KAT6A: variants seen among roughly 807,000 people sequenced by gnomAD.
The protein encoded by KAT6A is histone acetyltransferase KAT6A.
A neutral mutation model predicts 198.4 loss-of-function variants in KAT6A; 9 were observed. The observed-to-expected ratio is 0.05, with a 90% CI of 0.03 to 0.08. The LOEUF (loss-of-function observed/expected upper bound fraction) is 0.08. Ranked by LOEUF, KAT6A falls within the 10% of genes least tolerant of loss-of-function variation. KAT6A has a pLI of 1.00. For missense variants in KAT6A, 2,077 were observed against 2,509.9 expected (o/e 0.83, Z 3.69); for synonymous variants, 890 against 883.0 (o/e 1.01, Z -0.14).
Position 41,942,957 on chromosome 8 carries a change from C to T in KAT6A, c.2272G>A (p.Ala758Thr). The change falls in exon 14 of 17, where the codon GCA (alanine) becomes ACA (threonine). Residue 758 changes from alanine to threonine, a missense_variant. Physicochemically the swap from Ala to Thr is moderately conservative, Grantham distance 58. Transcript: ENST00000265713. The part of the protein sequence containing the change: ...RREKLIQDHM[A>T]KLQLNLRPVD... Reference sequence around the variant, plus strand: ...GGTCGCAAATTCAGCTGAAGCTTTGCCATGTGATCCTGGATAAGTTTTTCC... The same window carrying T: ...GGTCGCAAATTCAGCTGAAGCTTTGTCATGTGATCCTGGATAAGTTTTTCC... The T allele has an allele frequency of 2.5e-6, 4 of 1,614,116 alleles. No homozygotes were observed. Among genetic ancestry groups the T allele is most frequent in the Non-Finnish European group, 3.4e-6 (4 of 1,180,030 alleles).
intron 2 of KAT6A, among the ~76,000 whole-genome samples, chr8:42,016,632 GAAC>G (rs1826282735): frequency 6.6e-6 from 1 of 152,006 alleles, no homozygotes; most frequent in African/African-American, 2.4e-5. Context: ...TGTAATGTGA[GAAC>G]AACTAAATCT....
In KAT6A at chr8:41,941,182, C is replaced by A; in HGVS notation, c.2699G>T (p.Gly900Val). 6.2e-7 allele frequency: 1 copy of A among 1,614,162 alleles called. No homozygotes were observed. The change falls in exon 15 of 17, where the codon GGA becomes GTA. Residue 900 changes from glycine to valine, a missense_variant. Physicochemically the swap from Gly to Val is moderately radical, Grantham distance 109. This residue lies in a region of KAT6A where 301 missense variants were observed against 272.2 expected (regional missense o/e 1.11). Transcript: ENST00000265713. The part of the protein sequence containing the change: ...ETSSAPQEQY[G>V]ECGEKSEATQ... ...GGCTTCTGATTTCTCCCCACATTCT[C>A]CATATTGTTCCTGAGGAGCTGAAGA...
intron 8 of KAT6A, among the ~76,000 whole-genome samples, chr8:41,967,694 C>T (rs936627045): frequency 1.3e-5 from 2 of 152,082 alleles, no homozygotes; most frequent in African/African-American, 4.8e-5. Context: ...CCCGGTCTAT[C>T]ATTGTTGGAC....
Position 41,978,725 on chromosome 8 carries a change from T to C in KAT6A, c.960A>G (p.Leu320=), listed in dbSNP as rs747348896. The C allele has an allele frequency of 2.2e-5, 36 of 1,613,962 alleles. No individual in the cohort carries two copies. The highest frequency in any genetic ancestry group is 2.9e-5 in the Non-Finnish European group (34 of 1,179,946). ...CRPRKKGRKL[L]QKKAAQIKRR... is the part of the protein sequence containing the mutation. ...GTTTTATCTGTGCTGCCTTCTTTTGTAGAAGTTTTCGTCCTTTTTTCCTAG... is the reference window on the plus strand; with the variant it reads ...GTTTTATCTGTGCTGCCTTCTTTTGCAGAAGTTTTCGTCCTTTTTTCCTAG... The change falls in exon 6 of 17, where the codon CTA becomes CTG. Residue 320 remains leucine (L), a synonymous_variant. Transcript: ENST00000265713.
chr8:42,043,086 A>G (rs1471245426), intron 2 of KAT6A, among the ~76,000 whole-genome samples: 1 of 152,200 alleles, frequency 6.6e-6, no homozygotes, highest in African/African-American at 2.4e-5. Flanking sequence ...CAGTTCATAA[A>G]CTAAAAAAGG....
At chr8:42,017,233 G>A (rs1826318748) in intron 2 of KAT6A, among the ~76,000 whole-genome samples, 1 of 152,200 alleles carries the variant, frequency 6.6e-6, no homozygotes, top group African/African-American at 2.4e-5. Context: ...ACAGCATTGA[G>A]ATAGTAGAAG....
At chr8:42,009,770 T>G (rs1206277523) in intron 2 of KAT6A, among the ~76,000 whole-genome samples, 1 of 150,926 alleles carries the variant, frequency 6.6e-6, no homozygotes, top group African/African-American at 2.4e-5. Context: ...CATGGTGACA[T>G]GCACCTGTGG....
At chr8:41,983,086 T>C (rs1044548076) in intron 3 of KAT6A, among the ~76,000 whole-genome samples, 22 of 152,158 alleles carry the variant, frequency 1.4e-4, no homozygotes, top group Middle Eastern at 3.2e-3. Context: ...TCAGAATGAA[T>C]AGCAAGAGAA....
intron 2 of KAT6A, among the ~76,000 whole-genome samples, chr8:42,047,704 C>T (rs900555522): frequency 9.2e-5 from 14 of 152,268 alleles, no homozygotes; most frequent in South Asian, 4.1e-4. Flanking sequence ...AACTACTGTT[C>T]CAGACCCTCC....
At chr8:42,048,237 C>T in intron 2 of KAT6A, 141 bp downstream of exon 2, 1 of 769,912 alleles carries the variant, frequency 1.3e-6, no homozygotes, top group South Asian at 1.8e-5. Flanking sequence ...CTCATAGCTA[C>T]AACTCACCAA....
intron 2 of KAT6A, among the ~76,000 whole-genome samples, chr8:42,019,468 A>G (rs947579627): frequency 2.6e-5 from 4 of 152,220 alleles, no homozygotes; most frequent in African/African-American, 9.6e-5. Flanking sequence ...TAGAAGGCTC[A>G]CTATTTTCTA....
rs904662946 is a variant in KAT6A, at chr8:41,947,976, T to C, written c.1741-64A>G. 10 of 1,324,216 alleles carry C rather than the reference T, an allele frequency of 7.6e-6. No individual in the cohort carries two copies. In the African/African-American group the frequency reaches 1.3e-4, roughly 18 times the overall value. The allele number at this position is 1,324,216 out of a possible 1,614,324, so 82.0% of individuals were successfully genotyped here. A position where few individuals can be genotyped will look rare whatever the true frequency, so the allele number is the denominator to read the frequency against. ...CTCTTTAGTTCTAGAATAATATGTATCAGTTAAAAGCATCTCTAGATATCC... is the reference window on the plus strand; with the variant it reads ...CTCTTTAGTTCTAGAATAATATGTACCAGTTAAAAGCATCTCTAGATATCC... On this transcript the variant is annotated intron_variant, in intron 10 of 16. Coordinates refer to ENST00000265713, the MANE Select transcript of KAT6A (RefSeq NM_006766.5).
At chr8:41,945,413 G>A (rs566184232) in intron 12 of KAT6A, among the ~76,000 whole-genome samples, 2 of 151,850 alleles carry the variant, frequency 1.3e-5, no homozygotes, top group African/African-American at 4.8e-5. Context: ...TGGGATTACA[G>A]GCGCCCACCA....
intron 2 of KAT6A, among the ~76,000 whole-genome samples, chr8:42,037,683 A>G (rs1206065470): frequency 1.6e-5 from 2 of 121,940 alleles, no homozygotes; most frequent in Admixed American, 8.6e-5. Flanking sequence ...TCTTTAACAC[A>G]TTGAAAGCTT....
chr8:42,040,115 C>T (rs958650603), intron 2 of KAT6A, among the ~76,000 whole-genome samples: 3 of 151,688 alleles, frequency 2.0e-5, no homozygotes. Context: ...AAAATTTAAT[C>T]ATATAGAATT....
rs148393790 is a variant in KAT6A at position 41,959,818 on chromosome 8, G to A, written c.1483-4407C>T. Among the ~76,000 whole-genome samples, 20 of 152,158 alleles carry A rather than the reference G, an allele frequency of 1.3e-4. 1 individual carries two copies. In the East Asian group the frequency reaches 3.9e-3, roughly 30 times the overall value. On this transcript the variant is annotated intron_variant, in intron 8 of 16. Transcript: ENST00000265713. ...CTAAAAATACAATAATTAGCTGGGT[G>A]TATGGCACATGCCTGTAGTCCCAGC...
intron 2 of KAT6A, among the ~76,000 whole-genome samples, chr8:42,046,334 G>C (rs898733900): frequency 6.6e-6 from 1 of 151,942 alleles, no homozygotes. Flanking sequence ...TCAGGAGTTC[G>C]AGACCAGCCT....
chr8:41,946,724 G>T, intron 11 of KAT6A, 40 bp from the exon 12 acceptor site: 2 of 1,159,496 alleles, frequency 1.7e-6, no homozygotes, highest in Non-Finnish European at 1.3e-6. Flanking sequence ...AAACAGGCTG[G>T]TAAAAGTGAA....
chr8:41,936,619 A>G lies in KAT6A; in HGVS notation c.3352+637T>C, dbSNP rs117420654. ...CAGTGTCTCTAGAGAAGAAATGACA[A>G]CTAGGCTGCTTTAAAAGTAAATAGT... On this transcript the variant is annotated intron_variant, in intron 16 of 16. Coordinates refer to ENST00000265713, the MANE Select transcript of KAT6A (RefSeq NM_006766.5). Among the ~76,000 whole-genome samples, 450 of 152,364 alleles carry G rather than the reference A, an allele frequency of 3.0e-3. 1 individual carries two copies. The highest frequency in any genetic ancestry group is 5.2e-3 in the Non-Finnish European group (356 of 68,034).
Sources: gnomAD v4.1 joint callset for allele counts (sites outside exome capture counted in the v4.1 genomes callset) on GRCh38, gnomAD v4.1.1 for gene constraint, gnomAD v4.1.1 regional missense constraint, MANE v1.5 for transcripts, NCBI Gene and HGNC (gene_info 2026-07-23, HGNC 2026-07-21) for gene names.